Variants in SEC63 observed in about 807,000 individuals in gnomAD.
The protein encoded by SEC63 is translocation protein SEC63 homolog.
SEC63 carries 56 observed loss-of-function variants against 116.2 expected under a neutral mutation model. The observed-to-expected ratio is 0.48, with a 90% CI of 0.39 to 0.60. The LOEUF is 0.60. Among genes scored for constraint, SEC63 ranks in the 20% least tolerant of loss-of-function variants. The pLI is 0.00. For missense variants in SEC63, 668 were observed against 900.0 expected (o/e 0.74, Z 3.30); for synonymous variants, 273 against 294.6 (o/e 0.93, Z 0.75).
At position 107,926,952 on chromosome 6, in the gene SEC63, T is replaced by C. The variant is rs565955380; in HGVS notation, c.225-2020A>G. On this transcript the variant is annotated intron_variant, in intron 2 of 20. Coordinates refer to ENST00000369002, the MANE Select transcript of SEC63 (RefSeq NM_007214.5). ...GAGAGCCAAAGCAAAGATAGAAACA[T>C]AACGGATCACATCATGCTCTGTGCT... 1.3e-3 allele frequency among the ~76,000 whole-genome samples: 203 copies of C among 152,196 alleles called. 1 individual carries two copies. Among genetic ancestry groups the C allele is most frequent in the Non-Finnish European group, 2.5e-3 (173 of 68,014 alleles).
intron 1 of SEC63, among the ~76,000 whole-genome samples, chr6:107,941,980 T>A (rs1200704742): frequency 1.3e-5 from 2 of 152,258 alleles, no homozygotes; most frequent in Admixed American, 6.5e-5. Context: ...TAAGGTCGCA[T>A]TAGCAGTAAT....
chr6:107,885,553 T>C (rs1269303965), intron 16 of SEC63, among the ~76,000 whole-genome samples: 2 of 152,214 alleles, frequency 1.3e-5, no homozygotes, highest in East Asian at 1.9e-4. Flanking sequence ...AGACTCAGTA[T>C]TGTTAACATG....
intron 16 of SEC63, chr6:107,883,380 C>T: frequency 6.3e-6 from 3 of 477,566 alleles, no homozygotes; most frequent in Non-Finnish European, 1.1e-5. Context: ...ATTCATTCTT[C>T]ATAATTTGTC....
chr6:107,941,699 C>G (rs1444881628), intron 1 of SEC63, among the ~76,000 whole-genome samples: 1 of 152,184 alleles, frequency 6.6e-6, no homozygotes, highest in Non-Finnish European at 1.5e-5. Context: ...AGAAGAGAAA[C>G]AGCTCTGTGA....
chr6:107,913,346 A>T lies in SEC63; in HGVS notation c.514+20T>A, dbSNP rs1239049117. On this transcript the variant is annotated intron_variant, in intron 5 of 20. Transcript: ENST00000369002. ...ATATATACCATATCGCCAATATTTT[A>T]AAATCATCATTTACCACACCTTGAG... 3 of 1,490,454 alleles carry T rather than the reference A, an allele frequency of 2.0e-6. No homozygotes were observed. The African/African-American group carries it at 4.1e-5, about 21-fold the overall frequency. The allele number at this position is 1,490,454 out of a possible 1,614,324, so 92.3% of individuals were successfully genotyped here.
chr6:107,942,821 TAAGG>T (rs938701817), intron 1 of SEC63, among the ~76,000 whole-genome samples: 82 of 152,286 alleles, frequency 5.4e-4, no homozygotes, highest in African/African-American at 1.9e-3. Flanking sequence ...AAGAAAATCA[TAAGG>T]AAGAGAAAAT....
rs775138451 is a variant in SEC63, at chr6:107,906,521, T to C, written c.888A>G (p.Pro296=). The C allele has an allele frequency of 1.9e-6, 3 of 1,613,812 alleles. No homozygotes were observed. Among genetic ancestry groups the C allele is most frequent in the African/African-American group, 1.3e-5 (1 of 75,050 alleles). The change falls in exon 10 of 21, where the codon CCA becomes CCG. Residue 296 remains proline, a synonymous_variant. Coordinates refer to ENST00000369002, the MANE Select transcript of SEC63 (RefSeq NM_007214.5). ...AAAGAACTCTGGCCTTCAGGCTATA[T>C]GGGCAGGTAAGTGGAGGCTCATTCT... The part of the protein sequence containing the change: ...LKKNEPPLTC[P]YSLKARVLLL...
At chr6:107,937,513 T>C (rs1583771378) in intron 1 of SEC63, among the ~76,000 whole-genome samples, 1 of 152,294 alleles carries the variant, frequency 6.6e-6, no homozygotes, top group Admixed American at 6.5e-5. Context: ...GCAATGAACA[T>C]GGGTGCACGT....
chr6:107,932,452 C>A (rs1787832881), intron 1 of SEC63, among the ~76,000 whole-genome samples: 2 of 152,180 alleles, frequency 1.3e-5, no homozygotes, highest in South Asian at 4.1e-4. Context: ...GACTACCCAG[C>A]AAGAAGTACC....
At chr6:107,941,894 C>G (rs531835041) in intron 1 of SEC63, among the ~76,000 whole-genome samples, 1 of 152,270 alleles carries the variant, frequency 6.6e-6, no homozygotes, top group South Asian at 2.1e-4. Flanking sequence ...CATAAAAGCC[C>G]ACTTAAGGAT....
chr6:107,897,162 G>A (rs1786869462), intron 14 of SEC63, among the ~76,000 whole-genome samples: 1 of 152,152 alleles, frequency 6.6e-6, no homozygotes, highest in African/African-American at 2.4e-5. Flanking sequence ...TCTCGAAGTG[G>A]TGGGATTTTA....
intron 5 of SEC63, 25 bp from the exon 6 acceptor site, chr6:107,912,799 C>T (rs1407361892): frequency 6.4e-7 from 1 of 1,553,854 alleles, no homozygotes; most frequent in Non-Finnish European, 8.9e-7. Context: ...ATATCAGTTT[C>T]TGAAGAATCT....
At chr6:107,901,774 G>GA (rs1787011109) in intron 12 of SEC63, among the ~76,000 whole-genome samples, 1 of 151,860 alleles carries the variant, frequency 6.6e-6, no homozygotes, top group East Asian at 1.9e-4. Flanking sequence ...AAGTTGGAGG[G>GA]AAAAAATAAG....
intron 6 of SEC63, 152 bp downstream of exon 6, chr6:107,912,564 A>G: frequency 1.5e-6 from 1 of 663,420 alleles, no homozygotes; most frequent in South Asian, 1.7e-5. Context: ...CTGCCTGGGC[A>G]ATAGAGCAAG....
chr6:107,904,280 C>T (rs543692089), intron 11 of SEC63, among the ~76,000 whole-genome samples: 36 of 141,794 alleles, frequency 2.5e-4, no homozygotes, highest in African/African-American at 8.7e-4. Context: ...TGTGGTGGTA[C>T]GCGCCTGTAA....
At chr6:107,956,356 A>T (rs1015882648) in intron 1 of SEC63, among the ~76,000 whole-genome samples, 2 of 152,222 alleles carry the variant, frequency 1.3e-5, no homozygotes, top group East Asian at 3.8e-4. Context: ...TTAACTTGAA[A>T]TACAACAACC....
At chr6:107,918,539 A>G (rs1023757538) in intron 4 of SEC63, among the ~76,000 whole-genome samples, 23 of 152,046 alleles carry the variant, frequency 1.5e-4, no homozygotes, top group Admixed American at 2.6e-4. Context: ...TAAAAATACA[A>G]TAATTTGCCA....
At chr6:107,920,425 C>CAAAAAAAAAAAAAAAA (rs34816965) in intron 4 of SEC63, among the ~76,000 whole-genome samples, 1 of 73,392 alleles carries the variant, frequency 1.4e-5, no homozygotes, top group Admixed American at 2.0e-4. Flanking sequence ...GACTCCGTCT[C>CAAAAAAAAAAAAAAAA]AAAAAAAAAA....
chr6:107,925,250 C>G (rs192398340), intron 2 of SEC63, among the ~76,000 whole-genome samples: 1 of 152,198 alleles, frequency 6.6e-6, no homozygotes, highest in African/African-American at 2.4e-5. Context: ...TAAATAAATA[C>G]TAAGTAAACC....
Sources: allele counts gnomAD v4.1 joint callset (sites outside exome capture counted in the v4.1 genomes callset), GRCh38; gene constraint gnomAD v4.1.1; transcripts MANE v1.5; gene names NCBI Gene and HGNC (gene_info 2026-07-23, HGNC 2026-07-21).